Variants in ANKRD6 observed in about 807,000 individuals in gnomAD.
ANKRD6 encodes the protein ankyrin repeat domain-containing protein 6.
Under a neutral mutation model 82.3 loss-of-function variants are expected in ANKRD6, and 56 were observed. That is an observed-to-expected ratio of 0.68 (90% CI 0.55 to 0.85). The LOEUF is 0.85. Among genes scored for constraint, ANKRD6 ranks in the 40% least tolerant of loss-of-function variants. ANKRD6 has a pLI of 0.00. For missense variants in ANKRD6, 852 were observed against 907.6 expected (o/e 0.94, Z 0.79); for synonymous variants, 347 against 352.1 (o/e 0.99, Z 0.16).
chr6:89,522,754 T>G (rs1454906561), intron 1 of ANKRD6, among the ~76,000 whole-genome samples: 1 of 152,166 alleles, frequency 6.6e-6, no homozygotes, highest in Non-Finnish European at 1.5e-5. Flanking sequence ...AAATTTCCCA[T>G]AGAATTTGTT....
intron 1 of ANKRD6, among the ~76,000 whole-genome samples, chr6:89,466,416 C>A (rs1774851558): frequency 6.6e-6 from 1 of 152,090 alleles, no homozygotes; most frequent in African/African-American, 2.4e-5. Flanking sequence ...AAATTTCCTC[C>A]TAGAAATTTT....
intron 1 of ANKRD6, among the ~76,000 whole-genome samples, chr6:89,512,469 GTCTGTT>G (rs1418992343): frequency 1.3e-5 from 2 of 152,344 alleles, no homozygotes; most frequent in South Asian, 2.1e-4. Flanking sequence ...AACAATGAGT[GTCTGTT>G]TCTAAGTTAG....
At chr6:89,613,153 G>C (rs1335216891) in intron 6 of ANKRD6, among the ~76,000 whole-genome samples, 1 of 152,226 alleles carries the variant, frequency 6.6e-6, no homozygotes, top group Admixed American at 6.5e-5. Flanking sequence ...TGGGAACAGG[G>C]TTCTGCCTGT....
chr6:89,479,601 T>TTTTATTTATTTA (rs529057283), intron 1 of ANKRD6, among the ~76,000 whole-genome samples: 7 of 149,632 alleles, frequency 4.7e-5, no homozygotes, highest in African/African-American at 1.7e-4. Context: ...TATTTTTTAT[T>TTTTATTTATTTA]TTTATTTATT....
chr6:89,545,600 G>A (rs1260133595), intron 1 of ANKRD6, among the ~76,000 whole-genome samples: 1 of 152,148 alleles, frequency 6.6e-6, no homozygotes, highest in Non-Finnish European at 1.5e-5. Flanking sequence ...CCTGTGTGAC[G>A]GGTACAGTCA....
intron 10 of ANKRD6, among the ~76,000 whole-genome samples, chr6:89,622,927 G>A (rs1438364804): frequency 1.2e-4 from 18 of 148,926 alleles, no homozygotes; most frequent in Non-Finnish European, 2.2e-4. Context: ...AGTTGTGAAC[G>A]TTCTCACAAG....
chr6:89,602,846 T>C (rs999475419), intron 3 of ANKRD6, 183 bp from the exon 4 acceptor site: 1 of 542,346 alleles, frequency 1.8e-6, no homozygotes, highest in Non-Finnish European at 3.3e-6. Flanking sequence ...TCTGCCAGCG[T>C]GCGTTGTCTA....
chr6:89,616,769 G>GA, intron 8 of ANKRD6, 112 bp downstream of exon 8: 1 of 1,053,756 alleles, frequency 9.5e-7, no homozygotes, highest in Non-Finnish European at 1.5e-6. Flanking sequence ...GAAGACGGGG[G>GA]ATCTCTGCTG....
intron 1 of ANKRD6, among the ~76,000 whole-genome samples, chr6:89,445,840 A>G (rs977085658): frequency 6.6e-6 from 1 of 151,724 alleles, no homozygotes; most frequent in Non-Finnish European, 1.5e-5. Context: ...TTGGCCTCCC[A>G]AAGTGCTAGG....
chr6:89,620,781 C>T (rs894784933), intron 9 of ANKRD6, among the ~76,000 whole-genome samples: 27 of 151,978 alleles, frequency 1.8e-4, no homozygotes, highest in African/African-American at 3.6e-4. Flanking sequence ...AAAATAAAGA[C>T]GAGGCCGGGT....
In ANKRD6 at chr6:89,467,483, T is replaced by C. The variant is rs80072555; in HGVS notation, c.-144+34108T>C. ...GCTTATGATTATCTTGGTTGATTCC[T>C]TAACTATTTACTAGACACTATCTTA... is the stretch of plus-strand genomic sequence containing the variant. On this transcript the variant is annotated intron_variant, in intron 1 of 15. Transcript: ENST00000339746. Among the ~76,000 whole-genome samples, 100 of 152,338 alleles carry C rather than the reference T, an allele frequency of 6.6e-4. No homozygotes were observed. The East Asian group carries it at 0.013, about 21-fold the overall frequency.
At chr6:89,527,601 CAAAAA>C (rs35855223) in intron 1 of ANKRD6, among the ~76,000 whole-genome samples, 1 of 45,684 alleles carries the variant, frequency 2.2e-5, no homozygotes, top group African/African-American at 8.7e-5. Context: ...GACTCCGTCT[CAAAAA>C]AAAAAAAAAA....
intron 1 of ANKRD6, among the ~76,000 whole-genome samples, chr6:89,537,896 A>AAAAAAAAAAAAAAAAAAAG (rs1784034233): frequency 7.5e-6 from 1 of 133,142 alleles, no homozygotes; most frequent in African/African-American, 2.8e-5. Flanking sequence ...AAAAAAAAAA[A>AAAAAAAAAAAAAAAAAAAG]AAAAGAAAAG....
chr6:89,481,013 T>C (rs1047119849), intron 1 of ANKRD6, among the ~76,000 whole-genome samples: 21 of 150,116 alleles, frequency 1.4e-4, no homozygotes, highest in African/African-American at 4.9e-4. Context: ...GAGCACACAA[T>C]GTAGAAAGTG....
Position 89,497,790 on chromosome 6 carries a change from C to A in ANKRD6, c.-144+64415C>A, listed in dbSNP as rs557660813. On this transcript the variant is annotated intron_variant, in intron 1 of 15. Transcript: ENST00000339746. ...TTTGGTGATTTTTAAAGTAATTTCA[C>A]ACAGTGTGCAACCATCATCAGAATC... Among the ~76,000 whole-genome samples, 561 of 152,244 alleles carry A rather than the reference C, an allele frequency of 3.7e-3. 1 individual carries two copies. The highest frequency in any genetic ancestry group is 6.3e-3 in the Non-Finnish European group (429 of 68,024).
intron 9 of ANKRD6, among the ~76,000 whole-genome samples, chr6:89,620,550 G>T (rs1484902175): frequency 3.3e-5 from 5 of 152,126 alleles, no homozygotes; most frequent in Admixed American, 2.0e-4. Flanking sequence ...AGACTTCTTG[G>T]TCTAAGGACT....
intron 2 of ANKRD6, among the ~76,000 whole-genome samples, chr6:89,592,021 A>T (rs1241138346): frequency 6.6e-6 from 1 of 152,166 alleles, no homozygotes; most frequent in Admixed American, 6.5e-5. Flanking sequence ...GGGAAGTCAT[A>T]GTTTGGAGAA....
intron 1 of ANKRD6, among the ~76,000 whole-genome samples, chr6:89,482,614 C>T (rs939706761): frequency 6.6e-6 from 1 of 152,160 alleles, no homozygotes; most frequent in Non-Finnish European, 1.5e-5. Context: ...GGCCCCTTGC[C>T]CACAAATGCA....
At chr6:89,589,000 A>AAG (rs1794346800) in intron 2 of ANKRD6, among the ~76,000 whole-genome samples, 3 of 148,424 alleles carry the variant, frequency 2.0e-5, no homozygotes, top group African/African-American at 7.3e-5. Context: ...GTCTCAAAAA[A>AAG]AAAAAAAAAA....
Sources: gnomAD v4.1 joint callset for allele counts (sites outside exome capture counted in the v4.1 genomes callset) on GRCh38, gnomAD v4.1.1 for gene constraint, MANE v1.5 for transcripts, NCBI Gene and HGNC (gene_info 2026-07-23, HGNC 2026-07-21) for gene names.